The following GRM1 variants were observed in gnomAD, a reference collection of about 807,000 sequenced individuals.
GRM1 encodes the protein glutamate metabotropic receptor 1, also known as metabotropic glutamate receptor 1.
GRM1 carries 33 observed loss-of-function variants against 90.9 expected under a neutral mutation model. The ratio of observed to expected loss-of-function variants is 0.36; its 90% CI spans 0.28 to 0.49. The LOEUF is 0.49. Among genes scored for constraint, GRM1 ranks in the 20% least tolerant of loss-of-function variants. The pLI is 0.99. For missense variants in GRM1, 1,190 were observed against 1,534.3 expected (o/e 0.78, Z 3.75); for synonymous variants, 700 against 613.2 (o/e 1.14, Z -2.09).
intron 1 of GRM1, among the ~76,000 whole-genome samples, chr6:146,035,449 T>C (rs1259936104): frequency 1.3e-5 from 2 of 152,084 alleles, no homozygotes; most frequent in African/African-American, 4.8e-5. Context: ...CAAGTGTTCA[T>C]ATCCAAGTAA....
rs903653205 is a variant in GRM1, at chr6:146,223,023, G to A, written c.950+63426G>A. Among the ~76,000 whole-genome samples, 9 of 151,914 alleles carry A rather than the reference G, an allele frequency of 5.9e-5. 1 individual carries two copies. Among genetic ancestry groups the A allele is most frequent in the African/African-American group, 1.5e-4 (6 of 41,354 alleles). On this transcript the variant is annotated intron_variant, in intron 2 of 7. Coordinates refer to ENST00000282753, the MANE Select transcript of GRM1 (RefSeq NM_001278064.2). ...AAGTACCTTATTTCTATCTAGTAAT[G>A]TAGAAAGCCCAGGAACTCTTGGTGT...
chr6:146,178,948 A>G (rs988842669), intron 2 of GRM1, among the ~76,000 whole-genome samples: 4 of 152,124 alleles, frequency 2.6e-5, no homozygotes, highest in African/African-American at 7.2e-5. Context: ...AAGGCCTCTA[A>G]TCTGGGCTGG....
intron 1 of GRM1, among the ~76,000 whole-genome samples, chr6:146,079,579 C>T (rs1489058100): frequency 1.3e-5 from 2 of 152,124 alleles, no homozygotes; most frequent in Non-Finnish European, 2.9e-5. Context: ...TTCTTTAACT[C>T]TATGAGAGAA....
intron 5 of GRM1, among the ~76,000 whole-genome samples, chr6:146,365,764 T>C (rs1775662502): frequency 6.6e-6 from 1 of 152,122 alleles, no homozygotes; most frequent in South Asian, 2.1e-4. Context: ...AGCGGGACCT[T>C]ACCTGACCAC....
rs535527245 is a variant in GRM1, at chr6:146,256,252, A to G, written c.951-48359A>G. On this transcript the variant is annotated intron_variant, in intron 2 of 7. Transcript: ENST00000282753. ...GGGTCTTCTGAATGTTAAATGAGAA[A>G]ATATTGGTAAAGTGCTTAGAGAGTC... 2.0e-5 allele frequency among the ~76,000 whole-genome samples: 3 copies of G among 152,274 alleles called. No homozygotes were observed. In the East Asian group the frequency reaches 5.8e-4, roughly 29 times the overall value.
At chr6:146,041,809 T>G (rs9399572) in intron 1 of GRM1, among the ~76,000 whole-genome samples, 60,440 of 151,860 alleles carry the variant, frequency 0.4, 12,330 homozygotes, top group Middle Eastern at 0.51. Flanking sequence ...ATGGAAGGCA[T>G]ATTTCTTCTA....
chr6:146,034,850 TTAAG>T (rs1345472710), intron 1 of GRM1, among the ~76,000 whole-genome samples: 1 of 151,994 alleles, frequency 6.6e-6, no homozygotes, highest in Non-Finnish European at 1.5e-5. Context: ...ACAGATGACT[TTAAG>T]TAAAGATTTA....
chr6:146,122,248 A>T (rs181607108), intron 1 of GRM1, among the ~76,000 whole-genome samples: 34 of 152,264 alleles, frequency 2.2e-4, no homozygotes, highest in Non-Finnish European at 3.4e-4. Context: ...GAGATTATAC[A>T]ATAATTATGA....
intron 2 of GRM1, among the ~76,000 whole-genome samples, chr6:146,289,567 T>C (rs529875528): frequency 6.6e-6 from 1 of 152,302 alleles, no homozygotes; most frequent in East Asian, 1.9e-4. Context: ...CCAGTGTTTA[T>C]AAAGTCTATG....
intron 5 of GRM1, among the ~76,000 whole-genome samples, chr6:146,369,227 T>A (rs1775810310): frequency 6.6e-6 from 1 of 151,992 alleles, no homozygotes; most frequent in African/African-American, 2.4e-5. Flanking sequence ...TTCTCTCTTT[T>A]TTTCTTAGCT....
At position 146,051,381 on chromosome 6, in the gene GRM1, T is replaced by C. The variant is rs531392455; in HGVS notation, c.700+21164T>C. Among the ~76,000 whole-genome samples the C allele has an allele frequency of 2.0e-5, 3 of 152,140 alleles. No homozygotes were observed. The East Asian group carries it at 5.8e-4, about 30-fold the overall frequency. On this transcript the variant is annotated intron_variant, in intron 1 of 7. Coordinates refer to ENST00000282753, the MANE Select transcript of GRM1 (RefSeq NM_001278064.2). ...ACTTCCCCTCCATCTGTAAATATGA[T>C]ACAGTGCTCATCCTAAGTCTTTTTC... is the stretch of plus-strand genomic sequence containing the variant.
At chr6:146,042,118 A>C (rs2128841611) in intron 1 of GRM1, among the ~76,000 whole-genome samples, 1 of 152,108 alleles carries the variant, frequency 6.6e-6, no homozygotes, top group African/African-American at 2.4e-5. Context: ...TCAATGACTC[A>C]ATCAAATTCA....
At position 146,238,189 on chromosome 6, in the gene GRM1, A is replaced by C. The variant is rs575603367; in HGVS notation, c.951-66422A>C. ...GTTCACATTTCCAAGATTGTTTTCT[A>C]TCATTTGGTTTTACTAATATGCTAA... On this transcript the variant is annotated intron_variant, in intron 2 of 7. Transcript: ENST00000282753. Among the ~76,000 whole-genome samples the C allele has an allele frequency of 7.9e-5, 12 of 152,308 alleles. No individual in the cohort carries two copies. In the South Asian group the frequency reaches 2.3e-3, roughly 29 times the overall value.
chr6:146,435,014 G>T lies in GRM1; in HGVS notation c.*218G>T, dbSNP rs1416690559. On this transcript the variant is annotated 3_prime_UTR_variant, in exon 8 of 8. Coordinates refer to ENST00000282753, the MANE Select transcript of GRM1 (RefSeq NM_001278064.2). Reference sequence around the variant, plus strand: ...GTTCCAGGCCAGGATTCGGATTCTTGAATTACTCGAAGCCTTCTCTGGGAA... The same window carrying T: ...GTTCCAGGCCAGGATTCGGATTCTTTAATTACTCGAAGCCTTCTCTGGGAA... 5 of 613,734 alleles carry T rather than the reference G, an allele frequency of 8.1e-6. No individual in the cohort carries two copies. In the Admixed American group the frequency reaches 8.2e-5, roughly 10 times the overall value. 38.0% of individuals were successfully genotyped at this position (613,734 alleles called of 1,614,324 possible). A position where few individuals can be genotyped will look rare whatever the true frequency, so the allele number is the denominator to read the frequency against.
intron 1 of GRM1, among the ~76,000 whole-genome samples, chr6:146,033,013 C>T (rs1489591099): frequency 1.3e-5 from 2 of 151,864 alleles, no homozygotes. Context: ...ACATTCTTTT[C>T]AATCTTATAT....
At chr6:146,175,803 A>AT (rs1054456466) in intron 2 of GRM1, among the ~76,000 whole-genome samples, 1 of 152,110 alleles carries the variant, frequency 6.6e-6, no homozygotes, top group African/African-American at 2.4e-5. Context: ...AAGGCCCACC[A>AT]TCTTCCCTAT....
At chr6:146,089,955 C>T (rs1776663338) in intron 1 of GRM1, among the ~76,000 whole-genome samples, 1 of 151,998 alleles carries the variant, frequency 6.6e-6, no homozygotes, top group Non-Finnish European at 1.5e-5. Flanking sequence ...CAATGTTTCT[C>T]CTCTATTTTT....
At chr6:146,298,873 A>G (rs1336696407) in intron 2 of GRM1, among the ~76,000 whole-genome samples, 1 of 152,204 alleles carries the variant, frequency 6.6e-6, no homozygotes, top group East Asian at 1.9e-4. Flanking sequence ...TACAAAAGCT[A>G]TGAAAACACA....
At chr6:146,357,773 A>G in intron 5 of GRM1, 79 bp downstream of exon 5, 1 of 1,137,936 alleles carries the variant, frequency 8.8e-7, no homozygotes, top group Non-Finnish European at 1.3e-6. Flanking sequence ...AACACAGACA[A>G]TTTTAAAAAC....
Sources: gnomAD v4.1 joint callset for allele counts (sites outside exome capture counted in the v4.1 genomes callset) on GRCh38, gnomAD v4.1.1 for gene constraint, MANE v1.5 for transcripts, NCBI Gene and HGNC (gene_info 2026-07-23, HGNC 2026-07-21) for gene names.